Variants in SGCG observed in about 807,000 individuals in gnomAD.
SGCG encodes the protein gamma-sarcoglycan.
Under a neutral mutation model 29.3 loss-of-function variants are expected in SGCG, and 26 were observed. That is an observed-to-expected ratio of 0.89 (90% CI 0.65 to 1.23). The LOEUF is 1.23. Ranked by LOEUF, SGCG falls within the 50% of genes most tolerant of loss-of-function variation. SGCG has a pLI of 0.00. For missense variants in SGCG, 353 were observed against 356.0 expected (o/e 0.99, Z 0.07); for synonymous variants, 145 against 129.7 (o/e 1.12, Z -0.80).
chr13:23,269,881 TTG>T (rs796966367), intron 4 of SGCG, among the ~76,000 whole-genome samples: 7,019 of 114,282 alleles, frequency 0.061, 355 homozygotes, highest in Non-Finnish European at 0.11. Context: ...TTTGTTTTTT[TTG>T]TTTTTTTTTG....
intron 2 of SGCG, among the ~76,000 whole-genome samples, chr13:23,222,126 C>T (rs1878694657): frequency 6.6e-6 from 1 of 152,168 alleles, no homozygotes; most frequent in African/African-American, 2.4e-5. Context: ...TTTTTGGATA[C>T]TCTTTCTTAT....
At chr13:23,310,278 G>A (rs1019184090) in intron 6 of SGCG, among the ~76,000 whole-genome samples, 39 of 151,666 alleles carry the variant, frequency 2.6e-4, no homozygotes, top group Non-Finnish European at 5.0e-4. Context: ...AGTAGAGACG[G>A]GGTTTCACCC....
chr13:23,244,937 T>C (rs1593193881), intron 3 of SGCG: 1 of 152,128 alleles, frequency 6.6e-6, no homozygotes, highest in African/African-American at 2.4e-5. Flanking sequence ...TTAGGTAGGA[T>C]TCCCCAGCAA....
At chr13:23,245,997 C>T (rs1879696023) in intron 3 of SGCG, 1 of 152,666 alleles carries the variant, frequency 6.6e-6, no homozygotes, top group Non-Finnish European at 1.5e-5. Flanking sequence ...ACTACACCAG[C>T]TCTTGGTTCA....
intron 5 of SGCG, among the ~76,000 whole-genome samples, chr13:23,292,530 T>G (rs764046028): frequency 1.2e-4 from 19 of 152,256 alleles, no homozygotes; most frequent in Non-Finnish European, 1.6e-4. Context: ...CTGTATTTAT[T>G]TTGACCCAAC....
At chr13:23,298,058 T>C (rs1175605531) in intron 6 of SGCG, among the ~76,000 whole-genome samples, 1 of 151,238 alleles carries the variant, frequency 6.6e-6, no homozygotes, top group Non-Finnish European at 1.5e-5. Context: ...AATCACTTTT[T>C]AAATTGTTAT....
rs539330138 is a variant in SGCG, at chr13:23,310,130, A to AGGCTGGAG, written c.579-10506_579-10499dup. On this transcript the variant is annotated intron_variant, in intron 6 of 7. Transcript: ENST00000218867. ...TAGACGGAGTCTTGCTCTGTTGCCC[A>AGGCTGGAG]GGCTGGAGTGCAGTGACACGATCTC... 1.4e-4 allele frequency among the ~76,000 whole-genome samples: 17 copies of AGGCTGGAG among 119,000 alleles called. No individual in the cohort carries two copies. In the South Asian group the frequency reaches 4.6e-3, roughly 33 times the overall value. The allele number at this position is 119,000 out of a possible 152,430, so 78.1% of individuals were successfully genotyped here.
chr13:23,225,077 G>C (rs898501429), intron 2 of SGCG, among the ~76,000 whole-genome samples: 1 of 152,088 alleles, frequency 6.6e-6, no homozygotes, highest in Non-Finnish European at 1.5e-5. Flanking sequence ...ATCCCAGCTG[G>C]TGTAAATACT....
At chr13:23,196,651 A>C (rs1877523828) in intron 1 of SGCG, among the ~76,000 whole-genome samples, 1 of 149,934 alleles carries the variant, frequency 6.7e-6, no homozygotes, top group Non-Finnish European at 1.5e-5. Context: ...GAGATTATTT[A>C]TATTTTAAGG....
At chr13:23,265,582 A>C (rs2137593557) in intron 4 of SGCG, among the ~76,000 whole-genome samples, 1 of 152,296 alleles carries the variant, frequency 6.6e-6, no homozygotes, top group African/African-American at 2.4e-5. Context: ...GTCTCAAAAA[A>C]AATAAATAAA....
In SGCG at chr13:23,227,998, A is replaced by G. The variant is rs188999207; in HGVS notation, c.196-6613A>G. On this transcript the variant is annotated intron_variant, in intron 2 of 7. Coordinates refer to ENST00000218867, the MANE Select transcript of SGCG (RefSeq NM_000231.3). ...ACTAATTTTTGTATTTTTTGTAGAGATGGGATTTTGCCATGTTGCCCAGGC... is the reference window on the plus strand; with the variant it reads ...ACTAATTTTTGTATTTTTTGTAGAGGTGGGATTTTGCCATGTTGCCCAGGC... Among the ~76,000 whole-genome samples the G allele has an allele frequency of 3.2e-3, 492 of 151,910 alleles. 3 individuals are homozygous for G. Among genetic ancestry groups the G allele is most frequent in the African/African-American group, 0.011 (462 of 41,406 alleles).
At chr13:23,166,749 C>G in the SGCG span, among the ~76,000 whole-genome samples, 75,107 of 151,910 alleles carry the variant, frequency 0.49, 21,314 homozygotes, top group Non-Finnish European at 0.66. Context: ...GCTCGTGTGT[C>G]ATCACAGAAA....
chr13:23,250,912 T>C (rs937554770), intron 4 of SGCG, among the ~76,000 whole-genome samples, 195 bp downstream of exon 4: 1 of 152,156 alleles, frequency 6.6e-6, no homozygotes, highest in Non-Finnish European at 1.5e-5. Context: ...CTGAAGTGCT[T>C]TGATTAGAGT....
At chr13:23,245,604 A>G (rs1879677770) in intron 3 of SGCG, 1 of 152,178 alleles carries the variant, frequency 6.6e-6, no homozygotes, top group African/African-American at 2.4e-5. Flanking sequence ...TAATCCTCCT[A>G]AGAAATTCAG....
At chr13:23,217,599 C>G (rs765153720) in intron 2 of SGCG, 4 of 151,774 alleles carry the variant, frequency 2.6e-5, no homozygotes, top group Non-Finnish European at 5.9e-5. Context: ...GAGTTGTTGT[C>G]CTATGGTAGC....
intron 6 of SGCG, among the ~76,000 whole-genome samples, chr13:23,299,605 A>C (rs1250574895): frequency 2.0e-5 from 3 of 150,590 alleles, no homozygotes; most frequent in Non-Finnish European, 4.4e-5. Flanking sequence ...GGTGCCTGCC[A>C]CCATGCCTGG....
chr13:23,279,517 G>A (rs377654310), intron 5 of SGCG, 39 bp downstream of exon 5: 36 of 1,597,936 alleles, frequency 2.3e-5, no homozygotes, highest in Non-Finnish European at 2.9e-5. Flanking sequence ...ATTCCATGGA[G>A]TACACATCTG....
chr13:23,177,037 G>A (rs1474346589), upstream of SGCG, among the ~76,000 whole-genome samples: 2 of 152,110 alleles, frequency 1.3e-5, no homozygotes, highest in African/African-American at 2.4e-5. Flanking sequence ...AATACTGTTC[G>A]GCCTTTTAAA....
upstream of SGCG, among the ~76,000 whole-genome samples, chr13:23,180,091 TAA>T (rs1876680055): frequency 6.6e-6 from 1 of 152,182 alleles, no homozygotes; most frequent in African/African-American, 2.4e-5. Flanking sequence ...GCATGTATAC[TAA>T]GGCACTGCTT....
Sources: gnomAD v4.1 joint callset for allele counts (sites outside exome capture counted in the v4.1 genomes callset) on GRCh38, gnomAD v4.1.1 for gene constraint, MANE v1.5 for transcripts, NCBI Gene and HGNC (gene_info 2026-07-23, HGNC 2026-07-21) for gene names.